Variants in UST observed in about 807,000 individuals in gnomAD.
The protein encoded by UST is chondroitin sulfate 2-O-sulfotransferase.
In UST, 21 loss-of-function variants were observed where a neutral mutation model predicts 45.6. The ratio of observed to expected loss-of-function variants is 0.46; its 90% confidence interval spans 0.33 to 0.66. The LOEUF is 0.66. UST is among the 30% of genes least tolerant of loss of function. The pLI is 0.02. For synonymous variants in UST, 215 were observed against 200.6 expected (o/e 1.07, Z -0.61); for missense variants, 463 against 512.4 (o/e 0.90, Z 0.93).
At chr6:148,882,852 G>T (rs1378594818) in intron 1 of UST, among the ~76,000 whole-genome samples, 1 of 152,178 alleles carries the variant, frequency 6.6e-6, no homozygotes, top group East Asian at 1.9e-4. Context: ...ACAATCCAGT[G>T]GCAAAAAATA....
intron 5 of UST, chr6:149,005,640 C>T (rs956523204): frequency 1.2e-5 from 12 of 980,494 alleles, no homozygotes; most frequent in Non-Finnish European, 1.5e-5. Flanking sequence ...ACCATTAGAC[C>T]TCATTTCTTA....
chr6:148,942,090 G>A (rs937449193), intron 3 of UST, among the ~76,000 whole-genome samples: 1 of 152,118 alleles, frequency 6.6e-6, no homozygotes, highest in African/African-American at 2.4e-5. Context: ...GTCTCTGTGG[G>A]GGTGCTTTGC....
chr6:148,919,271 C>T (rs544063858), intron 2 of UST, among the ~76,000 whole-genome samples: 1 of 152,330 alleles, frequency 6.6e-6, no homozygotes, highest in East Asian at 1.9e-4. Flanking sequence ...TCCAACATGG[C>T]TGCCACCACC....
intron 5 of UST, among the ~76,000 whole-genome samples, chr6:149,001,131 G>A (rs1443532867): frequency 2.0e-5 from 3 of 151,356 alleles, no homozygotes; most frequent in Non-Finnish European, 4.4e-5. Flanking sequence ...GGGTGCAGTG[G>A]CATGATCTCG....
chr6:148,850,041 T>C (rs910531435), intron 1 of UST, among the ~76,000 whole-genome samples: 1 of 152,220 alleles, frequency 6.6e-6, no homozygotes, highest in African/African-American at 2.4e-5. Context: ...CTCTATGATA[T>C]ATACTAATTC....
intron 2 of UST, among the ~76,000 whole-genome samples, chr6:148,939,048 A>G (rs749579086): frequency 1.8e-4 from 27 of 152,260 alleles, no homozygotes; most frequent in Admixed American, 7.8e-4. Flanking sequence ...TAAGATCAAT[A>G]TAGAAAAATC....
At chr6:148,895,756 A>C (rs1442939859) in intron 2 of UST, among the ~76,000 whole-genome samples, 1 of 152,200 alleles carries the variant, frequency 6.6e-6, no homozygotes, top group Non-Finnish European at 1.5e-5. Context: ...TTTCACCTTC[A>C]GCCATGATCG....
At chr6:149,044,764 C>A (rs751098340) in intron 7 of UST, among the ~76,000 whole-genome samples, 8 of 152,082 alleles carry the variant, frequency 5.3e-5, no homozygotes, top group Non-Finnish European at 1.2e-4. Flanking sequence ...TAAAAAGGAT[C>A]CAAGTTTGCT....
intron 1 of UST, among the ~76,000 whole-genome samples, chr6:148,756,131 T>G (rs980191983): frequency 4.0e-5 from 6 of 151,860 alleles, no homozygotes; most frequent in African/African-American, 1.2e-4. Flanking sequence ...CTTGTGATAG[T>G]TTGCTGAGAA....
chr6:148,917,057 G>C (rs1437868354), intron 2 of UST, among the ~76,000 whole-genome samples: 1 of 152,202 alleles, frequency 6.6e-6, no homozygotes, highest in Non-Finnish European at 1.5e-5. Flanking sequence ...AGAAAGGAGT[G>C]AAGAAAGGGA....
chr6:148,856,344 A>G (rs914335839), intron 1 of UST, among the ~76,000 whole-genome samples: 5 of 152,180 alleles, frequency 3.3e-5, no homozygotes, highest in Admixed American at 3.3e-4. Flanking sequence ...AATATTATGT[A>G]AGGTAAATAG....
intron 4 of UST, among the ~76,000 whole-genome samples, chr6:148,960,366 C>T (rs1055353448): frequency 6.6e-6 from 1 of 152,228 alleles, no homozygotes; most frequent in African/African-American, 2.4e-5. Context: ...TGTTCTTTTC[C>T]ATGATGGCCT....
intron 2 of UST, among the ~76,000 whole-genome samples, chr6:148,895,957 G>A (rs1411503102): frequency 6.6e-6 from 1 of 152,214 alleles, no homozygotes. Context: ...CACATTGACA[G>A]AAAGAGGTTC....
intron 3 of UST, among the ~76,000 whole-genome samples, chr6:148,946,747 G>A (rs1270557888): frequency 2.9e-5 from 4 of 140,036 alleles, no homozygotes; most frequent in Non-Finnish European, 6.1e-5. Context: ...CTGGGAGGTG[G>A]AGCTTGCAGT....
At chr6:148,869,975 T>G (rs1264470064) in intron 1 of UST, among the ~76,000 whole-genome samples, 2 of 152,306 alleles carry the variant, frequency 1.3e-5, no homozygotes, top group African/African-American at 4.8e-5. Flanking sequence ...CCAACCTTCA[T>G]GCACGTGACC....
At chr6:148,800,811 C>T (rs1777045449) in intron 1 of UST, among the ~76,000 whole-genome samples, 1 of 133,260 alleles carries the variant, frequency 7.5e-6, no homozygotes, top group African/African-American at 2.9e-5. Flanking sequence ...CTTTTGGAGA[C>T]ACGTGGCTCT....
At position 149,075,581 on chromosome 6, in the gene UST, CT is replaced by C. The variant is rs1430558636; in HGVS notation, c.*1466del. 7.9e-5 allele frequency: 12 copies of C among 152,214 alleles called. No individual in the cohort carries two copies. The allele number at this position is 152,214 out of a possible 1,614,324, so 9.4% of individuals were successfully genotyped here. A position where few individuals can be genotyped will look rare whatever the true frequency, so the allele number is the denominator to read the frequency against. ...CTTTCCACCTCCCACTGCCCCTCCC[CT>C]GCCACCTATCAATGATGCCTTGGTT... On this transcript the variant is annotated 3_prime_UTR_variant, in exon 8 of 8. Transcript: ENST00000367463.
At chr6:149,034,517 G>A (rs60717851) in intron 7 of UST, among the ~76,000 whole-genome samples, 4,470 of 113,760 alleles carry the variant, frequency 0.039, 238 homozygotes, top group African/African-American at 0.13. Context: ...CTCTATCCCA[G>A]CCTGCCCTCC....
At chr6:148,783,950 C>T (rs1305992482) in intron 1 of UST, among the ~76,000 whole-genome samples, 2 of 152,308 alleles carry the variant, frequency 1.3e-5, no homozygotes, top group East Asian at 3.9e-4. Context: ...AGTCACACAA[C>T]CCGGCCTAGA....
Sources: allele counts gnomAD v4.1 joint callset (sites outside exome capture counted in the v4.1 genomes callset), GRCh38; gene constraint gnomAD v4.1.1; transcripts MANE v1.5; gene names NCBI Gene and HGNC (gene_info 2026-07-23, HGNC 2026-07-21).